CHCHD3: variants seen among roughly 807,000 people sequenced by gnomAD.
CHCHD3 encodes MICOS complex subunit MIC19.
CHCHD3 carries 20 observed loss-of-function variants against 38.2 expected under a neutral mutation model. The ratio of observed to expected loss-of-function variants is 0.52; its 90% confidence interval spans 0.37 to 0.76. The LOEUF (loss-of-function observed/expected upper bound fraction) is 0.76, where lower values mean the gene tolerates loss of function less well. CHCHD3 is among the 30% of genes least tolerant of loss of function. CHCHD3 has a pLI of 0.00. For synonymous variants in CHCHD3, 82 were observed against 100.0 expected, an observed-to-expected ratio of 0.82 and a Z score of 1.07; for missense variants, 245 against 279.2, an observed-to-expected ratio of 0.88 and a Z score of 0.87.
intron 6 of CHCHD3, among the ~76,000 whole-genome samples, chr7:132,806,824 A>G (rs1431890242): frequency 6.6e-6 from 1 of 152,172 alleles, no homozygotes; most frequent in Non-Finnish European, 1.5e-5. Context: ...AATGTGCTTA[A>G]AAGTTAGGAT....
At chr7:132,964,748 T>G (rs1811414549) in intron 4 of CHCHD3, among the ~76,000 whole-genome samples, 1 of 152,168 alleles carries the variant, frequency 6.6e-6, no homozygotes, top group Admixed American at 6.5e-5. Context: ...CAAAAATGAC[T>G]TGACGAAAGT....
intron 6 of CHCHD3, among the ~76,000 whole-genome samples, chr7:132,807,303 C>T (rs773675994): frequency 3.3e-5 from 5 of 152,130 alleles, no homozygotes; most frequent in Non-Finnish European, 7.3e-5. Flanking sequence ...GCCCCCCAGG[C>T]TGTACTTTCC....
At chr7:132,959,583 C>A (rs533663723) in intron 4 of CHCHD3, among the ~76,000 whole-genome samples, 3 of 151,948 alleles carry the variant, frequency 2.0e-5, no homozygotes, top group Admixed American at 2.0e-4. Flanking sequence ...ATTAGCAAGG[C>A]ATGGTGGCAG....
chr7:132,885,508 C>T (rs1809181633), intron 5 of CHCHD3, among the ~76,000 whole-genome samples, 154 bp downstream of exon 5: 1 of 152,130 alleles, frequency 6.6e-6, no homozygotes, highest in Admixed American at 6.5e-5. Flanking sequence ...GACATTGTTA[C>T]AGAGGACGAA....
chr7:132,940,360 A>G (rs1332603587), intron 4 of CHCHD3, among the ~76,000 whole-genome samples: 1 of 152,198 alleles, frequency 6.6e-6, no homozygotes, highest in Non-Finnish European at 1.5e-5. Context: ...CCTGGGAAAT[A>G]AGGTGTTCCA....
At chr7:132,993,535 T>G (rs776139742) in intron 3 of CHCHD3, among the ~76,000 whole-genome samples, 8 of 152,204 alleles carry the variant, frequency 5.3e-5, no homozygotes, top group Non-Finnish European at 1.5e-5. Context: ...CTGTGCCCCA[T>G]AGATGACCCC....
At chr7:132,996,779 C>G (rs117162943) in intron 3 of CHCHD3, among the ~76,000 whole-genome samples, 1 of 152,074 alleles carries the variant, frequency 6.6e-6, no homozygotes, top group Non-Finnish European at 1.5e-5. Context: ...GCTTTCGAAA[C>G]GGACCATTTA....
chr7:132,985,787 T>C (rs972520925), intron 3 of CHCHD3, among the ~76,000 whole-genome samples: 1 of 78,146 alleles, frequency 1.3e-5, no homozygotes, highest in Non-Finnish European at 2.6e-5. Context: ...GGCGGGGGGG[T>C]CAGCCCCCCG....
chr7:133,020,369 G>T (rs1315786253), intron 3 of CHCHD3, among the ~76,000 whole-genome samples: 1 of 152,090 alleles, frequency 6.6e-6, no homozygotes, highest in African/African-American at 2.4e-5. Context: ...AGATTTAATG[G>T]GGTTGGGGTA....
chr7:132,790,465 T>C (rs1806429113), intron 7 of CHCHD3, among the ~76,000 whole-genome samples: 1 of 152,182 alleles, frequency 6.6e-6, no homozygotes, highest in African/African-American at 2.4e-5. Context: ...ATTCCTATGA[T>C]GGAAGAGGTT....
chr7:132,867,522 G>A (rs1480321248), intron 5 of CHCHD3, among the ~76,000 whole-genome samples: 1 of 152,126 alleles, frequency 6.6e-6, no homozygotes. Context: ...AGAAAATATG[G>A]TTTAGAATTT....
At chr7:132,827,060 A>T (rs903674973) in intron 6 of CHCHD3, among the ~76,000 whole-genome samples, 1 of 152,242 alleles carries the variant, frequency 6.6e-6, no homozygotes, top group African/African-American at 2.4e-5. Flanking sequence ...TCAAATTCTA[A>T]TGAAAAAAAT....
intron 5 of CHCHD3, among the ~76,000 whole-genome samples, chr7:132,859,965 A>G (rs572348421): frequency 1.1e-4 from 16 of 152,290 alleles, no homozygotes; most frequent in African/African-American, 3.9e-4. Flanking sequence ...AGAAACACCT[A>G]AAATTTAAAT....
chr7:132,977,265 C>G (rs1246659230), intron 3 of CHCHD3, among the ~76,000 whole-genome samples: 1 of 152,182 alleles, frequency 6.6e-6, no homozygotes, highest in Admixed American at 6.5e-5. Context: ...TTCTCTGATT[C>G]CATCCCACAC....
chr7:132,901,178 T>C (rs2117202782), intron 4 of CHCHD3, among the ~76,000 whole-genome samples: 1 of 152,332 alleles, frequency 6.6e-6, no homozygotes, highest in South Asian at 2.1e-4. Flanking sequence ...TTGAAAACCT[T>C]CAGCCTCTGT....
intron 4 of CHCHD3, among the ~76,000 whole-genome samples, chr7:132,945,132 A>C (rs1411989721): frequency 2.0e-5 from 3 of 151,956 alleles, no homozygotes; most frequent in Non-Finnish European, 4.4e-5. Flanking sequence ...TGAAAAATAT[A>C]AAGAATGCAT....
chr7:132,831,456 C>T (rs954202179), intron 6 of CHCHD3, among the ~76,000 whole-genome samples: 4 of 152,132 alleles, frequency 2.6e-5, no homozygotes, highest in Admixed American at 1.3e-4. Flanking sequence ...AGAAGATGTT[C>T]AGGATACCTG....
chr7:132,800,645 C>T (rs1030925237), intron 6 of CHCHD3, among the ~76,000 whole-genome samples: 1 of 152,194 alleles, frequency 6.6e-6, no homozygotes, highest in African/African-American at 2.4e-5. Context: ...GCAGCCACAA[C>T]TCCCAAGGCT....
At chr7:132,889,741 C>T (rs1809314024) in intron 4 of CHCHD3, among the ~76,000 whole-genome samples, 1 of 152,072 alleles carries the variant, frequency 6.6e-6, no homozygotes, top group Non-Finnish European at 1.5e-5. Flanking sequence ...TAATATGATG[C>T]TAGGAGGAAA....
Sources: allele counts gnomAD v4.1 joint callset (sites outside exome capture counted in the v4.1 genomes callset), GRCh38; gene constraint gnomAD v4.1.1; transcripts MANE v1.5; gene names NCBI Gene and HGNC (gene_info 2026-07-23, HGNC 2026-07-21).